PPP1R16B: variants seen among roughly 807,000 people sequenced by gnomAD.
The protein encoded by PPP1R16B is protein phosphatase 1 regulatory subunit 16B.
Under a neutral mutation model 61.7 loss-of-function variants are expected in PPP1R16B, and 14 were observed. The ratio of observed to expected loss-of-function variants is 0.23; its 90% CI spans 0.15 to 0.35. The LOEUF is 0.35. Ranked by LOEUF, PPP1R16B falls within the 10% of genes least tolerant of loss-of-function variation. The pLI is 1.00. For synonymous variants in PPP1R16B, 266 were observed against 305.3 expected, an observed-to-expected ratio of 0.87 and a Z score of 1.34; for missense variants, 547 against 752.5, an observed-to-expected ratio of 0.73 and a Z score of 3.19.
chr20:38,848,354 C>T (rs2084947849), intron 2 of PPP1R16B, among the ~76,000 whole-genome samples: 4 of 152,194 alleles, frequency 2.6e-5, no homozygotes, highest in African/African-American at 9.6e-5. Flanking sequence ...ATTGTCCCAA[C>T]ATCCCTTCCT....
intron 7 of PPP1R16B, among the ~76,000 whole-genome samples, chr20:38,906,443 G>T (rs141710465): frequency 0.021 from 3,158 of 151,882 alleles, 125 homozygotes; most frequent in African/African-American, 0.073. Flanking sequence ...ACAGGCATGT[G>T]CCACCATGCC....
chr20:38,876,854 T>C (rs539236820), intron 2 of PPP1R16B, among the ~76,000 whole-genome samples: 104 of 152,344 alleles, frequency 6.8e-4, no homozygotes, highest in South Asian at 2.9e-3. Flanking sequence ...GTAGTACATA[T>C]GGATTTTAAA....
intron 1 of PPP1R16B, among the ~76,000 whole-genome samples, chr20:38,827,792 GAA>G (rs11086737): frequency 2.6e-5 from 4 of 151,374 alleles, no homozygotes; most frequent in African/African-American, 9.7e-5. Context: ...CTTTATGCTG[GAA>G]AAAAAAAATG....
rs2085591786 is a variant in PPP1R16B at position 38,920,979 on chromosome 20, G to C, written c.*2313G>C. On this transcript the variant is annotated 3_prime_UTR_variant, in exon 11 of 11. Coordinates refer to ENST00000299824, the MANE Select transcript of PPP1R16B (RefSeq NM_015568.4). ...TGCTCCTCAGGAGAGAGCTGTTTAG[G>C]TTTTCCGATCTTTTTGCTCAGGGGC... The C allele has an allele frequency of 6.6e-6, 1 of 152,200 alleles. No individual in the cohort carries two copies. The highest frequency in any genetic ancestry group is 1.9e-4 in the East Asian group (1 of 5,188). The allele number at this position is 152,200 out of a possible 1,614,324, so 9.4% of individuals were successfully genotyped here. A position where few individuals can be genotyped will look rare whatever the true frequency, so the allele number is the denominator to read the frequency against.
At chr20:38,866,939 C>G (rs1379226351) in intron 2 of PPP1R16B, among the ~76,000 whole-genome samples, 4 of 152,208 alleles carry the variant, frequency 2.6e-5, no homozygotes, top group South Asian at 2.1e-4. Flanking sequence ...TTCCCCCTAG[C>G]CCCTGGCAGC....
chr20:38,827,028 C>T (rs900387367), intron 1 of PPP1R16B, among the ~76,000 whole-genome samples: 2 of 152,166 alleles, frequency 1.3e-5, no homozygotes, highest in African/African-American at 4.8e-5. Context: ...TAGCTCACTG[C>T]AGCCTCAAAC....
intron 1 of PPP1R16B, among the ~76,000 whole-genome samples, chr20:38,812,743 G>A (rs1454435948): frequency 6.6e-6 from 1 of 152,218 alleles, no homozygotes; most frequent in Non-Finnish European, 1.5e-5. Flanking sequence ...GGCTGTTGAA[G>A]GGACTGTGCT....
chr20:38,885,632 A>G (rs549972645), intron 2 of PPP1R16B, among the ~76,000 whole-genome samples: 10 of 152,338 alleles, frequency 6.6e-5, no homozygotes, highest in African/African-American at 2.4e-4. Flanking sequence ...ATTTGGCCAC[A>G]TGTGACTAAG....
chr20:38,918,847 G>T lies in PPP1R16B; in HGVS notation c.*181G>T. The T allele has an allele frequency of 1.4e-6, 1 of 713,218 alleles. No individual in the cohort carries two copies. Among genetic ancestry groups the T allele is most frequent in the South Asian group, 3.9e-5 (1 of 25,456 alleles). 44.2% of individuals were successfully genotyped at this position (713,218 alleles called of 1,614,324 possible). On this transcript the variant is annotated 3_prime_UTR_variant, in exon 11 of 11. Transcript: ENST00000299824. The surrounding 1 kb of genome is among the most constrained non-coding windows in gnomAD (Gnocchi z 5.3). ...AGCATCCCATGTCCCACGTCCCGTG[G>T]TTCTGCTTCCTGCTGCATCGTCTGC... is the stretch of plus-strand genomic sequence containing the variant.
chr20:38,878,900 G>A (rs1178726298), intron 2 of PPP1R16B, among the ~76,000 whole-genome samples: 1 of 152,200 alleles, frequency 6.6e-6, no homozygotes, highest in African/African-American at 2.4e-5. Flanking sequence ...GAGAAGTGAG[G>A]TGAGAGATGG....
chr20:38,816,090 A>G (rs2084733514), intron 1 of PPP1R16B, among the ~76,000 whole-genome samples: 1 of 152,224 alleles, frequency 6.6e-6, no homozygotes, highest in African/African-American at 2.4e-5. Context: ...GCAAAAAGAA[A>G]AAAAAAAATA....
rs2085328436 is a variant in PPP1R16B at position 38,895,672 on chromosome 20, C to G, written c.429C>G (p.Thr143=). The G allele has an allele frequency of 1.2e-6, 2 of 1,614,166 alleles. No individual in the cohort carries two copies. Among genetic ancestry groups the G allele is most frequent in the East Asian group, 2.2e-5 (1 of 44,878 alleles). Residue 143 remains threonine (T), a synonymous_variant, in exon 4 of 11, where the codon ACC becomes ACG. Coordinates refer to ENST00000299824, the MANE Select transcript of PPP1R16B (RefSeq NM_015568.4). The part of the protein sequence containing the change: ...ELWTPLHAAA[T]CGHINLVKIL... The stretch of plus-strand genomic sequence containing the variant: ...GGACACCTCTCCATGCTGCAGCCAC[C>G]TGCGGCCACATCAACCTGGTGAAGA...
chr20:38,817,370 C>T (rs2084742517), intron 1 of PPP1R16B, among the ~76,000 whole-genome samples: 2 of 151,908 alleles, frequency 1.3e-5, no homozygotes, highest in Admixed American at 6.6e-5. Context: ...CAAGACCGGC[C>T]TAGCCAACAT....
chr20:38,907,135 T>G lies in PPP1R16B; in HGVS notation c.898+81T>G, dbSNP rs1479588729. On this transcript the variant is annotated intron_variant, in intron 8 of 10. Coordinates refer to ENST00000299824, the MANE Select transcript of PPP1R16B (RefSeq NM_015568.4). The surrounding 1 kb of genome is among the most constrained non-coding windows in gnomAD (Gnocchi z 4.5). Reference sequence around the variant, plus strand: ...GGGTAGAGGGAGAAATAGATAAATATATGGTTGTATAGATTGATGGATTGG... The same window carrying G: ...GGGTAGAGGGAGAAATAGATAAATAGATGGTTGTATAGATTGATGGATTGG... 7 of 1,119,766 alleles carry G rather than the reference T, an allele frequency of 6.3e-6. No individual in the cohort carries two copies. The highest frequency in any genetic ancestry group is 1.7e-5 in the Admixed American group (1 of 57,488). 69.4% of individuals were successfully genotyped at this position (1,119,766 alleles called of 1,614,324 possible). A position where few individuals can be genotyped will look rare whatever the true frequency, so the allele number is the denominator to read the frequency against.
chr20:38,806,328 G>A lies in PPP1R16B; in HGVS notation c.-102+536G>A, dbSNP rs1472472981. ...TGCCCGGGCGGGAAAGATCCCCAAG[G>A]CAGGCGCCTCCACCTGCAGACCCGC... On this transcript the variant is annotated intron_variant, in intron 1 of 10. Coordinates refer to ENST00000299824, the MANE Select transcript of PPP1R16B (RefSeq NM_015568.4). The surrounding 1 kb of genome is among the most constrained non-coding windows in gnomAD (Gnocchi z 4.5). Among the ~76,000 whole-genome samples the A allele has an allele frequency of 6.6e-6, 1 of 152,080 alleles. No individual in the cohort carries two copies. Among genetic ancestry groups the A allele is most frequent in the Non-Finnish European group, 1.5e-5 (1 of 67,968 alleles).
chr20:38,847,619 A>T (rs544959844), intron 2 of PPP1R16B, among the ~76,000 whole-genome samples: 1 of 152,290 alleles, frequency 6.6e-6, no homozygotes, highest in African/African-American at 2.4e-5. Context: ...AGCCTCCCAA[A>T]GTGCTGGGAT....
At position 38,878,515 on chromosome 20, in the gene PPP1R16B, C is replaced by A. The variant is rs888942026; in HGVS notation, c.251-11080C>A. ...TGAGGGTCCCTTGTAATTAGTCATGCCTGAAATACCAGTTATGTATGGAAT... is the reference window on the plus strand; with the variant it reads ...TGAGGGTCCCTTGTAATTAGTCATGACTGAAATACCAGTTATGTATGGAAT... On this transcript the variant is annotated intron_variant, in intron 2 of 10. Transcript: ENST00000299824. Among the ~76,000 whole-genome samples, 4 of 152,132 alleles carry A rather than the reference C, an allele frequency of 2.6e-5. No individual in the cohort carries two copies. In the South Asian group the frequency reaches 8.3e-4, roughly 31 times the overall value.
At chr20:38,896,500 A>G (rs1415906535) in intron 4 of PPP1R16B, among the ~76,000 whole-genome samples, 3 of 145,610 alleles carry the variant, frequency 2.1e-5, no homozygotes, top group East Asian at 2.0e-4. Context: ...TTCTTCTTCT[A>G]TCTCTGTCTC....
chr20:38,879,138 G>A (rs2085188332), intron 2 of PPP1R16B, among the ~76,000 whole-genome samples: 1 of 152,138 alleles, frequency 6.6e-6, no homozygotes, highest in Non-Finnish European at 1.5e-5. Flanking sequence ...ACAGGGGCCT[G>A]GTGCAGCGGG....
Sources: gnomAD v4.1 joint callset for allele counts (sites outside exome capture counted in the v4.1 genomes callset) on GRCh38, gnomAD v4.1.1 for gene constraint, Gnocchi (gnomAD v3.1) non-coding constraint, MANE v1.5 for transcripts, NCBI Gene and HGNC (gene_info 2026-07-23, HGNC 2026-07-21) for gene names.